Variants in L3MBTL4 observed in about 807,000 individuals in gnomAD.
L3MBTL4 encodes the protein L3MBTL histone methyl-lysine binding protein 4.
L3MBTL4 carries 70 observed loss-of-function variants against 84.5 expected under a neutral mutation model. The observed-to-expected ratio is 0.83, with a 90% confidence interval of 0.68 to 1.01. The LOEUF (loss-of-function observed/expected upper bound fraction) is 1.01, where lower values mean the gene tolerates loss of function less well. Ranked by LOEUF, L3MBTL4 falls within the 50% of genes least tolerant of loss-of-function variation. The pLI, the probability that L3MBTL4 is intolerant of heterozygous loss-of-function variation, is 0.00. For synonymous variants in L3MBTL4, 274 were observed against 259.8 expected, an observed-to-expected ratio of 1.05 and a Z score of -0.52; for missense variants, 715 against 754.8, an observed-to-expected ratio of 0.95 and a Z score of 0.62.
chr18:6,084,096 G>C (rs1022028968), intron 15 of L3MBTL4, among the ~76,000 whole-genome samples: 2 of 152,172 alleles, frequency 1.3e-5, no homozygotes, highest in Non-Finnish European at 2.9e-5. Flanking sequence ...GCAAGTTAAG[G>C]AGTCTTAAAA....
chr18:6,148,485 C>T (rs1378105368), intron 13 of L3MBTL4, among the ~76,000 whole-genome samples: 1 of 152,134 alleles, frequency 6.6e-6, no homozygotes, highest in African/African-American at 2.4e-5. Context: ...GACTGCGGTG[C>T]TGCTATCACG....
At chr18:6,378,313 T>G (rs2144305332) in intron 1 of L3MBTL4, among the ~76,000 whole-genome samples, 1 of 152,374 alleles carries the variant, frequency 6.6e-6, no homozygotes, top group South Asian at 2.1e-4. Context: ...GCAGAAGCTC[T>G]CTAGTCTAAT....
chr18:6,336,344 C>T (rs991825365), intron 1 of L3MBTL4, among the ~76,000 whole-genome samples: 5 of 152,046 alleles, frequency 3.3e-5, no homozygotes, highest in Admixed American at 2.6e-4. Context: ...GCAGAGTTTA[C>T]GTGATCTTCG....
rs36053569 is a variant in L3MBTL4 at position 6,118,979 on chromosome 18, GT to G, written c.1199+19214del. On this transcript the variant is annotated intron_variant, in intron 14 of 18. Transcript: ENST00000317931. ...AGAACTTTCTAATAGATTTGGCACA[GT>G]TTTTTTTGGTTTCTTTTTTTTTTTT... Among the ~76,000 whole-genome samples the G allele has an allele frequency of 3.6e-4, 46 of 128,518 alleles. 1 individual carries two copies. The highest frequency in any genetic ancestry group is 1.1e-3 in the African/African-American group (39 of 34,536). 84.3% of individuals were successfully genotyped at this position (128,518 alleles called of 152,430 possible). A position where few individuals can be genotyped will look rare whatever the true frequency, so the allele number is the denominator to read the frequency against.
chr18:6,197,909 G>T (rs1221881157), intron 12 of L3MBTL4, among the ~76,000 whole-genome samples: 1 of 152,214 alleles, frequency 6.6e-6, no homozygotes, highest in Non-Finnish European at 1.5e-5. Flanking sequence ...GCCCAGAAGC[G>T]TCTGTTAGGT....
At chr18:6,327,366 C>T (rs571726787) in intron 1 of L3MBTL4, among the ~76,000 whole-genome samples, 2 of 152,092 alleles carry the variant, frequency 1.3e-5, no homozygotes, top group African/African-American at 4.8e-5. Flanking sequence ...TACCCAAACA[C>T]CCATCAGTAG....
intron 12 of L3MBTL4, among the ~76,000 whole-genome samples, chr18:6,183,237 G>C (rs1434427495): frequency 6.6e-6 from 1 of 152,118 alleles, no homozygotes; most frequent in Non-Finnish European, 1.5e-5. Flanking sequence ...CATGTCTGTG[G>C]GTGATATCTT....
intron 16 of L3MBTL4, chr18:6,029,964 T>C (rs576163695): frequency 1.0e-6 from 1 of 985,484 alleles, no homozygotes; most frequent in African/African-American, 1.7e-5. Flanking sequence ...GAAGACACTT[T>C]GAAGCCTCCT....
intron 13 of L3MBTL4, among the ~76,000 whole-genome samples, chr18:6,164,430 C>G (rs543601524): frequency 3.3e-5 from 5 of 152,352 alleles, no homozygotes; most frequent in Admixed American, 1.3e-4. Flanking sequence ...AGGCACCCCC[C>G]GCTAGGGGCA....
intron 1 of L3MBTL4, among the ~76,000 whole-genome samples, chr18:6,379,831 T>C (rs1317936847): frequency 6.6e-6 from 1 of 152,230 alleles, no homozygotes; most frequent in Non-Finnish European, 1.5e-5. Context: ...GCTGGCCTCA[T>C]AAAATGAGTT....
intron 13 of L3MBTL4, among the ~76,000 whole-genome samples, chr18:6,157,737 T>A (rs1568218999): frequency 1.3e-5 from 2 of 152,226 alleles, no homozygotes; most frequent in African/African-American, 4.8e-5. Flanking sequence ...ATATATATTT[T>A]AGTTTGTATT....
At chr18:6,280,404 G>A (rs2049273530) in intron 4 of L3MBTL4, among the ~76,000 whole-genome samples, 1 of 152,184 alleles carries the variant, frequency 6.6e-6, no homozygotes, top group Non-Finnish European at 1.5e-5. Flanking sequence ...ACAATGTTGT[G>A]TCAATGTAAC....
At chr18:6,241,323 G>T (rs763411898) in intron 8 of L3MBTL4, 35 bp downstream of exon 8, 14 of 1,182,694 alleles carry the variant, frequency 1.2e-5, no homozygotes, top group Non-Finnish European at 1.7e-5. Flanking sequence ...AAGCTTGGGG[G>T]AAATTTGATT....
At chr18:6,035,757 G>C (rs539339722) in intron 16 of L3MBTL4, among the ~76,000 whole-genome samples, 4 of 152,220 alleles carry the variant, frequency 2.6e-5, no homozygotes, top group Admixed American at 2.6e-4. Flanking sequence ...CCATTTTCAC[G>C]ATATTGATTC....
intron 14 of L3MBTL4, among the ~76,000 whole-genome samples, chr18:6,098,990 G>C (rs976905102): frequency 6.6e-6 from 1 of 152,174 alleles, no homozygotes; most frequent in African/African-American, 2.4e-5. Context: ...ACTTGGCAGA[G>C]AAAGGGGCTC....
intron 4 of L3MBTL4, among the ~76,000 whole-genome samples, chr18:6,274,422 T>G (rs1005938096): frequency 3.0e-4 from 45 of 152,218 alleles, no homozygotes; most frequent in African/African-American, 1.0e-3. Context: ...CTACAGTCCC[T>G]GTTCTTGAAT....
chr18:6,238,004 A>C lies in L3MBTL4; in HGVS notation c.744T>G (p.Gly248=). Reference sequence around the variant, plus strand: ...GAGTTCTTCCATTCTCCTGACACCAACCAACTGGCTGGACATAAGGGCTAT... The same window carrying C: ...GAGTTCTTCCATTCTCCTGACACCACCCAACTGGCTGGACATAAGGGCTAT... ...DVNSPYVQPV[G]WCQENGRTLI... Residue 248 remains glycine, a synonymous_variant, in exon 10 of 19, where the codon GGT becomes GGG. Transcript: ENST00000317931. 6.2e-7 allele frequency: 1 copy of C among 1,614,190 alleles called. No individual in the cohort carries two copies. The highest frequency in any genetic ancestry group is 8.5e-7 in the Non-Finnish European group (1 of 1,180,018).
chr18:6,027,114 A>G (rs1359339342), intron 16 of L3MBTL4, among the ~76,000 whole-genome samples: 1 of 152,024 alleles, frequency 6.6e-6, no homozygotes, highest in Non-Finnish European at 1.5e-5. Context: ...GGTTTGCTGC[A>G]CCAATCAATT....
At chr18:6,366,610 T>C (rs1032738721) in intron 1 of L3MBTL4, among the ~76,000 whole-genome samples, 1 of 152,226 alleles carries the variant, frequency 6.6e-6, no homozygotes, top group African/African-American at 2.4e-5. Flanking sequence ...TACATATCTC[T>C]ATTAGTATTG....
Sources: allele counts gnomAD v4.1 joint callset (sites outside exome capture counted in the v4.1 genomes callset), GRCh38; gene constraint gnomAD v4.1.1; transcripts MANE v1.5; gene names NCBI Gene and HGNC (gene_info 2026-07-23, HGNC 2026-07-21).